The following COL19A1 variants were observed in gnomAD, a reference collection of about 807,000 sequenced individuals.
COL19A1 encodes collagen type XIX alpha 1 chain.
In COL19A1, 159 loss-of-function variants were observed where a neutral mutation model predicts 190.2. That is an observed-to-expected ratio of 0.84 (90% CI 0.73 to 0.95). The LOEUF is 0.95. Among genes scored for constraint, COL19A1 ranks in the 40% least tolerant of loss-of-function variants. The pLI is 0.00. For missense variants in COL19A1, 1,418 were observed against 1,431.9 expected (o/e 0.99, Z 0.16); for synonymous variants, 509 against 458.9 (o/e 1.11, Z -1.39).
Position 70,163,317 on chromosome 6 carries a change from A to G in COL19A1, c.2347-26A>G, listed in dbSNP as rs771438624. 8 of 1,607,018 alleles carry G rather than the reference A, an allele frequency of 5.0e-6. No individual in the cohort carries two copies. The African/African-American group carries it at 5.4e-5, about 11-fold the overall frequency. ...TTGGCCATTTAATTGTTGTTTCTGT[A>G]ACAAACTTAGTTTTGTGTTTTACAG... On this transcript the variant is annotated intron_variant, in intron 35 of 50. Transcript: ENST00000620364.
chr6:69,876,119 T>C (rs1298498307), intron 1 of COL19A1, among the ~76,000 whole-genome samples: 1 of 152,150 alleles, frequency 6.6e-6, no homozygotes, highest in East Asian at 1.9e-4. Context: ...AAACGGATTC[T>C]TCTTTCAAGT....
At chr6:70,095,164 T>G (rs1218414894) in intron 15 of COL19A1, among the ~76,000 whole-genome samples, 14 of 151,936 alleles carry the variant, frequency 9.2e-5, no homozygotes, top group Non-Finnish European at 2.1e-4. Flanking sequence ...CAACATTATG[T>G]TTATGAGAAA....
At chr6:70,045,170 A>G (rs532131265) in intron 14 of COL19A1, among the ~76,000 whole-genome samples, 3 of 152,052 alleles carry the variant, frequency 2.0e-5, no homozygotes, top group South Asian at 4.2e-4. Context: ...AAAATTAGCC[A>G]GGCATGGTGG....
intron 2 of COL19A1, among the ~76,000 whole-genome samples, chr6:69,881,974 T>C (rs1768588649): frequency 6.6e-6 from 1 of 152,198 alleles, no homozygotes; most frequent in African/African-American, 2.4e-5. Context: ...AGTTTCCTCA[T>C]GTGCAGACCT....
intron 9 of COL19A1, among the ~76,000 whole-genome samples, chr6:69,949,200 T>C (rs1403000652): frequency 6.6e-6 from 1 of 151,832 alleles, no homozygotes; most frequent in Non-Finnish European, 1.5e-5. Flanking sequence ...TAACTCTTGG[T>C]TCCCGGATTC....
chr6:70,053,697 GTATT>G (rs1264989356), intron 14 of COL19A1, among the ~76,000 whole-genome samples: 2 of 152,076 alleles, frequency 1.3e-5, no homozygotes, highest in East Asian at 3.8e-4. Flanking sequence ...GCCCTCAGAT[GTATT>G]TAGATATCAT....
chr6:70,183,364 G>A (rs1455303306), intron 44 of COL19A1, among the ~76,000 whole-genome samples: 1 of 152,160 alleles, frequency 6.6e-6, no homozygotes, highest in Non-Finnish European at 1.5e-5. Flanking sequence ...TCTGAAAGCA[G>A]GGCTGCCCTG....
In COL19A1 at chr6:70,156,202, C is replaced by A. The variant is rs1389182208; in HGVS notation, c.2155C>A (p.Pro719Thr). The change falls in exon 32 of 51, where the codon CCT (proline) becomes ACT (threonine). Residue 719 changes from proline (P) to threonine (T), a missense_variant. Transcript: ENST00000620364. ...NKGEEGGAGEPGKYDSMARKG... is the reference protein window; with the variant it reads ...NKGEEGGAGETGKYDSMARKG... ...AGGAGAAGAAGGAGGTGCTGGTGAG[C>A]CTGGAAAGTATGATTCCATGGCCCG... 1.2e-6 allele frequency: 2 copies of A among 1,613,312 alleles called. No individual in the cohort carries two copies. Among genetic ancestry groups the A allele is most frequent in the African/African-American group, 1.3e-5 (1 of 74,974 alleles).
intron 11 of COL19A1, among the ~76,000 whole-genome samples, chr6:69,983,126 C>T (rs2150067096): frequency 6.6e-6 from 1 of 151,742 alleles, no homozygotes; most frequent in East Asian, 1.9e-4. Flanking sequence ...AGGAATTTAC[C>T]TTGCAATAGT....
chr6:69,972,328 G>A (rs1182119475), intron 11 of COL19A1, among the ~76,000 whole-genome samples: 9 of 152,072 alleles, frequency 5.9e-5, no homozygotes, highest in Admixed American at 5.9e-4. Flanking sequence ...TAAATATACT[G>A]GCATGAGGAT....
intron 33 of COL19A1, 97 bp from the exon 34 acceptor site, chr6:70,156,573 A>C: frequency 7.4e-7 from 1 of 1,355,802 alleles, no homozygotes; most frequent in Non-Finnish European, 1.0e-6. Flanking sequence ...ACCCTGTCCA[A>C]ATTACATGCC....
intron 2 of COL19A1, among the ~76,000 whole-genome samples, chr6:69,897,959 A>G (rs930793704): frequency 2.6e-5 from 4 of 152,152 alleles, no homozygotes; most frequent in African/African-American, 9.6e-5. Context: ...ATATATTAAG[A>G]TGATACCCTC....
intron 11 of COL19A1, among the ~76,000 whole-genome samples, chr6:69,995,063 C>T (rs1044070764): frequency 1.4e-4 from 22 of 152,288 alleles, no homozygotes; most frequent in Middle Eastern, 3.4e-3. Context: ...CTTTCTTTCT[C>T]TTAAGACTCA....
chr6:69,893,082 T>C (rs187286199), intron 2 of COL19A1, among the ~76,000 whole-genome samples: 1 of 152,352 alleles, frequency 6.6e-6, no homozygotes. Flanking sequence ...TTTCTTCGAC[T>C]ATGAAAACCC....
intron 15 of COL19A1, among the ~76,000 whole-genome samples, chr6:70,080,282 A>T (rs1301431838): frequency 1.3e-5 from 2 of 152,218 alleles, no homozygotes; most frequent in African/African-American, 2.4e-5. Context: ...AGCCCAACTT[A>T]GGTAAAAGTA....
chr6:69,989,553 C>T (rs78751467), intron 11 of COL19A1, among the ~76,000 whole-genome samples: 51 of 126,298 alleles, frequency 4.0e-4, no homozygotes, highest in African/African-American at 1.1e-3. Context: ...GAGTTTTTTA[C>T]TTTTTTTTTT....
chr6:70,127,529 A>C (rs1351441580), intron 17 of COL19A1, among the ~76,000 whole-genome samples: 2 of 152,188 alleles, frequency 1.3e-5, no homozygotes, highest in Non-Finnish European at 2.9e-5. Context: ...ACAAGGAATA[A>C]GGATGAGGGT....
intron 11 of COL19A1, among the ~76,000 whole-genome samples, chr6:69,967,066 T>A (rs1016055648): frequency 3.2e-4 from 48 of 152,358 alleles, no homozygotes; most frequent in African/African-American, 1.1e-3. Flanking sequence ...GTTTGAGAAC[T>A]AATTTTCTCA....
chr6:69,932,855 G>T lies in COL19A1; in HGVS notation c.739G>T (p.Asp247Tyr), dbSNP rs1347707783. The T allele has an allele frequency of 6.3e-7, 1 of 1,597,208 alleles. No individual in the cohort carries two copies. The highest frequency in any genetic ancestry group is 1.7e-5 in the Admixed American group (1 of 58,998). ...TCAAGAAACATGTTGTGAAATATCA[G>T]ATACTAAGGTAAGTTAATTTTCTTT... ...IAQETCCEIS[D>Y]TKCPEQDGFG... The change falls in exon 7 of 51, where the codon GAT becomes TAT. Residue 247 changes from aspartate (D) to tyrosine (Y), a missense_variant. Asp to Tyr is a radical substitution (Grantham distance 160). Transcript: ENST00000620364.
Sources: gnomAD v4.1 joint callset for allele counts (sites outside exome capture counted in the v4.1 genomes callset) on GRCh38, gnomAD v4.1.1 for gene constraint, MANE v1.5 for transcripts, NCBI Gene and HGNC (gene_info 2026-07-23, HGNC 2026-07-21) for gene names.